VDAC3: variants seen among roughly 807,000 people sequenced by gnomAD.
The protein encoded by VDAC3 is voltage dependent anion channel 3.
VDAC3 carries 7 observed loss-of-function variants against 33.9 expected under a neutral mutation model. The observed-to-expected ratio is 0.21, with a 90% confidence interval of 0.12 to 0.39. The LOEUF is 0.39. VDAC3 is among the 10% of genes least tolerant of loss of function. VDAC3 has a pLI of 1.00. For synonymous variants in VDAC3, 100 were observed against 122.4 expected (o/e 0.82, Z 1.21); for missense variants, 261 against 334.5 (o/e 0.78, Z 1.71).
At position 42,394,210 on chromosome 8, in the gene VDAC3, A is replaced by T. The variant is rs563478700; in HGVS notation, c.-2A>T. 1 of 1,613,476 alleles carries T rather than the reference A, an allele frequency of 6.2e-7. No homozygotes were observed. The highest frequency in any genetic ancestry group is 1.3e-5 in the African/African-American group (1 of 75,014). ...CCTTTGCCCTGTTTTTCTTTATAAG[A>T]TATGTGTAACACACCAACGTACTGT... On this transcript the variant is annotated splice_region_variant and 5_prime_UTR_variant, in exon 3 of 10. Coordinates refer to ENST00000022615, the MANE Select transcript of VDAC3 (RefSeq NM_005662.7).
chr8:42,399,780 G>A lies in VDAC3; in HGVS notation c.323+77G>A, dbSNP rs766913528. On this transcript the variant is annotated intron_variant, in intron 6 of 9. Transcript: ENST00000022615. ...GAGAGCTTTAGAATAAGGAGATATA[G>A]TGCAAAGTTCAGAGGCAGGAAGAAC... The A allele has an allele frequency of 1.0e-4, 146 of 1,403,234 alleles. 1 individual carries two copies. The Middle Eastern group carries it at 3.2e-3, about 31-fold the overall frequency. 86.9% of individuals were successfully genotyped at this position (1,403,234 alleles called of 1,614,324 possible).
chr8:42,405,061 A>G, intron 9 of VDAC3, 137 bp downstream of exon 9: 1 of 792,934 alleles, frequency 1.3e-6, no homozygotes, highest in African/African-American at 1.7e-5. Flanking sequence ...TCAGACAGAA[A>G]ACAATACAGA....
intron 4 of VDAC3, chr8:42,397,689 T>G (rs1017020145): frequency 6.6e-6 from 1 of 152,236 alleles, no homozygotes; most frequent in African/African-American, 2.4e-5. Context: ...AGAGTCTCAT[T>G]CATAGTAACT....
intron 7 of VDAC3, chr8:42,403,044 G>A (rs1349940141): frequency 4.6e-6 from 2 of 435,564 alleles, no homozygotes; most frequent in East Asian, 9.4e-5. Context: ...CTGCCTTTGT[G>A]CTTAATTGAA....
intron 6 of VDAC3, among the ~76,000 whole-genome samples, chr8:42,401,132 T>C (rs1802408623): frequency 6.6e-6 from 1 of 152,256 alleles, no homozygotes; most frequent in Non-Finnish European, 1.5e-5. Context: ...TTAAAGAGAT[T>C]TGGCTTCTTG....
chr8:42,403,261 A>G (rs1202723416), intron 7 of VDAC3, 50 bp from the exon 8 acceptor site: 5 of 1,598,866 alleles, frequency 3.1e-6, no homozygotes, highest in Non-Finnish European at 4.3e-6. Flanking sequence ...TACCATAATA[A>G]CAATGGTACA....
intron 9 of VDAC3, 57 bp from the exon 10 acceptor site, chr8:42,405,314 G>C: frequency 7.0e-7 from 1 of 1,428,812 alleles, no homozygotes; most frequent in Non-Finnish European, 9.8e-7. Context: ...TTTCTAGAAA[G>C]TTCAGATCTA....
intron 6 of VDAC3, among the ~76,000 whole-genome samples, chr8:42,400,681 T>C (rs999184657): frequency 3.5e-5 from 5 of 142,602 alleles, no homozygotes; most frequent in African/African-American, 1.3e-4. Flanking sequence ...TTCTTTTTTT[T>C]TTTTTTTTTT....
intron 1 of VDAC3, among the ~76,000 whole-genome samples, chr8:42,392,401 C>T (rs184427177): frequency 1.3e-5 from 2 of 152,350 alleles, no homozygotes; most frequent in East Asian, 3.9e-4. Context: ...AACGCCTTTC[C>T]CCGTCTGCGT....
intron 1 of VDAC3, among the ~76,000 whole-genome samples, chr8:42,393,586 T>C (rs548030818): frequency 5.4e-4 from 82 of 152,222 alleles, no homozygotes; most frequent in Non-Finnish European, 9.7e-4. Context: ...TTTGAAGGCT[T>C]TAACTTCAGA....
intron 8 of VDAC3, 32 bp downstream of exon 8, chr8:42,403,493 T>C: frequency 6.6e-7 from 1 of 1,522,842 alleles, no homozygotes; most frequent in East Asian, 2.3e-5. Context: ...GGATCTGCTC[T>C]TATGTTTGTG....
chr8:42,402,409 G>A (rs1404382075), intron 7 of VDAC3, among the ~76,000 whole-genome samples: 2 of 152,158 alleles, frequency 1.3e-5, no homozygotes, highest in African/African-American at 2.4e-5. Context: ...CCACCAAATT[G>A]ATCTGAGCAT....
At chr8:42,394,157 G>A in intron 2 of VDAC3, 53 bp from the exon 3 acceptor site, 1 of 1,514,778 alleles carries the variant, frequency 6.6e-7, no homozygotes, top group Middle Eastern at 1.7e-4. Context: ...AACTGTGGGT[G>A]AATAAATACT....
In VDAC3 at chr8:42,401,777, G is replaced by GTTTA; in HGVS notation, c.324-8_324-5dup. 1 of 1,612,002 alleles carries GTTTA rather than the reference G, an allele frequency of 6.2e-7. No homozygotes were observed. The highest frequency in any genetic ancestry group is 8.5e-7 in the Non-Finnish European group (1 of 1,178,312). On this transcript the variant is annotated splice_polypyrimidine_tract_variant and intron_variant, in intron 6 of 9. Coordinates refer to ENST00000022615, the MANE Select transcript of VDAC3 (RefSeq NM_005662.7). Reference sequence around the variant, plus strand: ...TTTCATCATTTGCTTTTGTTTGTTTGTTTATTGCAGAAAGAAGAGTGGGAA... The same window carrying GTTTA: ...TTTCATCATTTGCTTTTGTTTGTTTGTTTATTTATTGCAGAAAGAAGAGTGGGAA...
At chr8:42,397,453 G>A (rs1054128762) in intron 4 of VDAC3, 4 of 152,196 alleles carry the variant, frequency 2.6e-5, no homozygotes, top group Admixed American at 1.3e-4. Flanking sequence ...GAAAAAGACT[G>A]GTCAGGGTTG....
At chr8:42,394,008 G>GT in intron 2 of VDAC3, 124 bp downstream of exon 2, 1 of 497,424 alleles carries the variant, frequency 2.0e-6, no homozygotes, top group Non-Finnish European at 3.6e-6. Context: ...CGGGAAAACT[G>GT]TTTTATTCTC....
intron 5 of VDAC3, among the ~76,000 whole-genome samples, 161 bp downstream of exon 5, chr8:42,399,025 T>C (rs1044509469): frequency 2.0e-5 from 3 of 151,922 alleles, no homozygotes; most frequent in Non-Finnish European, 4.4e-5. Flanking sequence ...TTCTAGAAAA[T>C]AAGGCTTTGT....
At chr8:42,403,554 A>C in intron 8 of VDAC3, 93 bp downstream of exon 8, 1 of 1,293,308 alleles carries the variant, frequency 7.7e-7, no homozygotes, top group Non-Finnish European at 1.1e-6. Flanking sequence ...CTTGTTCTTT[A>C]TTAATTTTAA....
At chr8:42,393,729 T>A (rs1303441916) in intron 1 of VDAC3, 116 bp from the exon 2 acceptor site, 1 of 396,984 alleles carries the variant, frequency 2.5e-6, no homozygotes. Context: ...CTTCAATTCG[T>A]ATGGTAAATT....
Sources: allele counts gnomAD v4.1 joint callset (sites outside exome capture counted in the v4.1 genomes callset), GRCh38; gene constraint gnomAD v4.1.1; transcripts MANE v1.5; gene names NCBI Gene and HGNC (gene_info 2026-07-23, HGNC 2026-07-21).